The following TPRG1 variants were observed in gnomAD, a reference collection of about 807,000 sequenced individuals.
TPRG1 encodes tumor protein p63 regulated 1, also known as tumor protein p63-regulated gene 1 protein.
In TPRG1, 29 loss-of-function variants were observed where a neutral mutation model predicts 29.3. The observed-to-expected ratio is 0.99, with a 90% CI of 0.74 to 1.35. The LOEUF (loss-of-function observed/expected upper bound fraction) is 1.35, where lower values mean the gene tolerates loss of function less well. Among genes scored for constraint, TPRG1 ranks in the 40% most tolerant of loss-of-function variants. TPRG1 has a pLI of 0.00. For synonymous variants in TPRG1, 130 were observed against 116.8 expected, an observed-to-expected ratio of 1.11 and a Z score of -0.73; for missense variants, 327 against 335.0, an observed-to-expected ratio of 0.98 and a Z score of 0.19.
At chr3:189,249,350 T>C (rs1160547335) in intron 4 of TPRG1, among the ~76,000 whole-genome samples, 1 of 151,910 alleles carries the variant, frequency 6.6e-6, no homozygotes, top group Non-Finnish European at 1.5e-5. Flanking sequence ...TTAATTACTT[T>C]AATACCTTTC....
chr3:189,120,320 G>T (rs1721681255), intron 1 of TPRG1: 1 of 152,206 alleles, frequency 6.6e-6, no homozygotes, highest in Admixed American at 6.5e-5. Flanking sequence ...GAAAAGGCAA[G>T]AAAATTGCTT....
intron 3 of TPRG1, among the ~76,000 whole-genome samples, chr3:189,015,747 C>A (rs2152123523): frequency 6.6e-6 from 1 of 152,324 alleles, no homozygotes; most frequent in African/African-American, 2.4e-5. Flanking sequence ...GCAAGCCCCC[C>A]AGACCTTGGT....
At chr3:189,307,385 G>A (rs1444659673) in intron 4 of TPRG1, among the ~76,000 whole-genome samples, 1 of 152,142 alleles carries the variant, frequency 6.6e-6, no homozygotes, top group Non-Finnish European at 1.5e-5. Context: ...TTCACATCCA[G>A]TGCTTCCTTA....
intron 3 of TPRG1, among the ~76,000 whole-genome samples, chr3:189,144,302 T>C (rs535810242): frequency 2.6e-5 from 4 of 152,210 alleles, no homozygotes; most frequent in Non-Finnish European, 5.9e-5. Context: ...ACATAACTTA[T>C]AGGCAACCAT....
chr3:189,311,427 T>TAGG (rs1722469471), intron 5 of TPRG1, among the ~76,000 whole-genome samples: 1 of 152,194 alleles, frequency 6.6e-6, no homozygotes, highest in Non-Finnish European at 1.5e-5. Flanking sequence ...ATGGCATATA[T>TAGG]TACATTTCTT....
At chr3:189,238,606 T>G (rs2108942713) in intron 3 of TPRG1, 127 bp from the exon 4 acceptor site, 1 of 714,472 alleles carries the variant, frequency 1.4e-6, no homozygotes, top group Middle Eastern at 4.1e-4. Flanking sequence ...TATTAGGTAT[T>G]TCTCAGCCCC....
At chr3:189,174,210 G>T (rs911376441) in intron 1 of TPRG1, among the ~76,000 whole-genome samples, 1 of 152,166 alleles carries the variant, frequency 6.6e-6, no homozygotes, top group Non-Finnish European at 1.5e-5. Flanking sequence ...GCAGCCACAG[G>T]TGAATCCAGC....
chr3:188,997,943 A>G (rs1711884633), intron 1 of TPRG1, among the ~76,000 whole-genome samples: 1 of 152,092 alleles, frequency 6.6e-6, no homozygotes, highest in Non-Finnish European at 1.5e-5. Flanking sequence ...TTCTCTACAC[A>G]TCAGAATTTA....
intron 4 of TPRG1, among the ~76,000 whole-genome samples, chr3:189,070,598 A>T (rs1294919857): frequency 1.3e-5 from 2 of 152,198 alleles, no homozygotes; most frequent in Non-Finnish European, 2.9e-5. Flanking sequence ...ATTGCATTTG[A>T]ATCCAAATGA....
chr3:189,223,927 T>G (rs909626899), intron 3 of TPRG1, among the ~76,000 whole-genome samples: 4 of 152,154 alleles, frequency 2.6e-5, no homozygotes, highest in Non-Finnish European at 5.9e-5. Flanking sequence ...TTTACTGAGT[T>G]CCCTCTGTAA....
chr3:189,264,978 A>G (rs894691460), intron 4 of TPRG1, among the ~76,000 whole-genome samples: 1 of 152,242 alleles, frequency 6.6e-6, no homozygotes, highest in African/African-American at 2.4e-5. Flanking sequence ...AGATAAGCAC[A>G]GGGGTAAGAC....
chr3:189,222,420 C>T (rs1737077218), intron 3 of TPRG1, among the ~76,000 whole-genome samples: 1 of 152,118 alleles, frequency 6.6e-6, no homozygotes, highest in Non-Finnish European at 1.5e-5. Flanking sequence ...TGGAAACTAC[C>T]ATTTCGAAAC....
intron 4 of TPRG1, among the ~76,000 whole-genome samples, chr3:189,289,569 T>C (rs941940318): frequency 1.3e-5 from 2 of 152,212 alleles, no homozygotes; most frequent in African/African-American, 4.8e-5. Context: ...ATTATCTTTC[T>C]TTTGGTTTCT....
At chr3:189,268,839 G>A (rs570310761) in intron 4 of TPRG1, among the ~76,000 whole-genome samples, 47 of 152,328 alleles carry the variant, frequency 3.1e-4, no homozygotes, top group Admixed American at 9.1e-4. Context: ...CTGAAGCACC[G>A]AGTACAGAAT....
chr3:189,309,527 C>T (rs548755070), intron 4 of TPRG1, among the ~76,000 whole-genome samples: 34 of 152,258 alleles, frequency 2.2e-4, no homozygotes, highest in African/African-American at 7.5e-4. Context: ...GCTTAACCTC[C>T]GGGCATCTCT....
chr3:189,256,574 C>T (rs1172828130), intron 4 of TPRG1, among the ~76,000 whole-genome samples: 4 of 152,114 alleles, frequency 2.6e-5, no homozygotes, highest in Admixed American at 6.6e-5. Flanking sequence ...AATTTTCTGT[C>T]TCGTTGATCT....
chr3:189,124,567 T>C (rs751007334), intron 1 of TPRG1, among the ~76,000 whole-genome samples: 24 of 151,208 alleles, frequency 1.6e-4, no homozygotes, highest in South Asian at 8.4e-4. Context: ...TATATATATA[T>C]ACACACACAC....
intron 1 of TPRG1, among the ~76,000 whole-genome samples, chr3:189,122,567 T>A (rs1162747148): frequency 6.6e-6 from 1 of 152,246 alleles, no homozygotes; most frequent in African/African-American, 2.4e-5. Context: ...TGTTGACTGG[T>A]TAAAAGATCT....
chr3:189,104,846 A>C (rs1207828114), intron 1 of TPRG1, among the ~76,000 whole-genome samples: 1 of 152,142 alleles, frequency 6.6e-6, no homozygotes, highest in Non-Finnish European at 1.5e-5. Context: ...CTTCATCTGC[A>C]TAACTCCTCA....
Sources: allele counts gnomAD v4.1 joint callset (sites outside exome capture counted in the v4.1 genomes callset), GRCh38; gene constraint gnomAD v4.1.1; transcripts MANE v1.5; gene names NCBI Gene and HGNC (gene_info 2026-07-23, HGNC 2026-07-21).